The following CHST13 variants were observed in gnomAD, a reference collection of about 807,000 sequenced individuals.
The protein encoded by CHST13 is C4ST-3.
Under a neutral mutation model 7.0 loss-of-function variants are expected in CHST13, and 1 was observed. The ratio of observed to expected loss-of-function variants is 0.14; its 90% CI spans 0.05 to 0.68. The LOEUF is 0.68. Ranked by LOEUF, CHST13 falls within the 30% of genes least tolerant of loss-of-function variation. The pLI is 0.82. For missense variants in CHST13, 572 were observed against 507.9 expected (o/e 1.13, Z -1.21); for synonymous variants, 257 against 240.9 (o/e 1.07, Z -0.62).
At chr3:126,541,186 G>A (rs905610291) in intron 2 of CHST13, among the ~76,000 whole-genome samples, 3 of 152,188 alleles carry the variant, frequency 2.0e-5, no homozygotes, top group Non-Finnish European at 2.9e-5. Flanking sequence ...CTCAGAAGGG[G>A]CAGGCTTCCT....
chr3:126,524,408 G>A lies in CHST13; in HGVS notation c.76G>A (p.Ala26Thr), dbSNP rs1001951225. Residue 26 changes from alanine (A) to threonine (T), a missense_variant, in exon 1 of 3, where the codon GCG (alanine) becomes ACG (threonine). By Grantham distance (58) the Ala-to-Thr change is moderately conservative. Coordinates refer to ENST00000319340, the MANE Select transcript of CHST13 (RefSeq NM_152889.3). ...CGCCGCGCTCCTGCTCCTATGCGCC[G>A]CGCCCCGCTCCCTGCGCCCGGGTGA... ...LGAALLLLCAAPRSLRPAFGN... is the reference protein window; with the variant it reads ...LGAALLLLCATPRSLRPAFGN... The A allele has an allele frequency of 1.0e-5, 12 of 1,200,510 alleles. No individual in the cohort carries two copies. In the African/African-American group the frequency reaches 1.7e-4, roughly 17 times the overall value. The allele number at this position is 1,200,510 out of a possible 1,614,324, so 74.4% of individuals were successfully genotyped here. A position where few individuals can be genotyped will look rare whatever the true frequency, so the allele number is the denominator to read the frequency against.
rs1473256536 is a variant in CHST13 at position 126,542,119 on chromosome 3, G to T, written c.567G>T (p.Ala189=). The T allele has an allele frequency of 6.3e-7, 1 of 1,577,228 alleles. No individual in the cohort carries two copies. ...RLASAYRNKL[A]RPYSAAFQRR... is the part of the protein sequence containing the mutation. ...CATCGGCTTACCGCAACAAGCTCGC[G>T]CGCCCCTACAGCGCCGCCTTCCAGA... The change falls in exon 3 of 3, where the codon GCG becomes GCT. Residue 189 remains alanine (A), a synonymous_variant. Coordinates refer to ENST00000319340, the MANE Select transcript of CHST13 (RefSeq NM_152889.3).
Position 126,542,136 on chromosome 3 carries a change from C to T in CHST13, c.584C>T (p.Ala195Val). 6.4e-7 allele frequency: 1 copy of T among 1,565,684 alleles called. No homozygotes were observed. Among genetic ancestry groups the T allele is most frequent in the Middle Eastern group, 1.7e-4 (1 of 5,908 alleles). The change falls in exon 3 of 3, where the codon GCC (alanine) becomes GTC (valine). Residue 195 changes from alanine to valine, a missense_variant. Physicochemically the swap from Ala to Val is moderately conservative, Grantham distance 64. Transcript: ENST00000319340. ...RNKLARPYSA[A>V]FQRRYGARIV... ...AAGCTCGCGCGCCCCTACAGCGCCGCCTTCCAGAGGCGCTACGGTGCACGC... is the reference window on the plus strand; with the variant it reads ...AAGCTCGCGCGCCCCTACAGCGCCGTCTTCCAGAGGCGCTACGGTGCACGC...
At chr3:126,535,944 G>A (rs534385259) in intron 1 of CHST13, among the ~76,000 whole-genome samples, 3 of 152,356 alleles carry the variant, frequency 2.0e-5, no homozygotes, top group African/African-American at 7.2e-5. Context: ...GATGGCAGTG[G>A]GTGAGTTTGG....
chr3:126,526,447 A>G (rs1162453221), intron 1 of CHST13, among the ~76,000 whole-genome samples: 1 of 152,188 alleles, frequency 6.6e-6, no homozygotes, highest in Admixed American at 6.5e-5. Context: ...TCCAGAACTC[A>G]GGAGGGATTT....
At chr3:126,539,720 AC>A (rs1277366819) in intron 2 of CHST13, among the ~76,000 whole-genome samples, 7 of 74,224 alleles carry the variant, frequency 9.4e-5, no homozygotes, top group Non-Finnish European at 1.0e-4. Flanking sequence ...TGCCACACAC[AC>A]CCCCCACACC....
intron 1 of CHST13, among the ~76,000 whole-genome samples, chr3:126,528,316 A>C (rs779007429): frequency 2.6e-5 from 4 of 152,146 alleles, no homozygotes; most frequent in Non-Finnish European, 5.9e-5. Context: ...GCAAGGTTGC[A>C]GGGGTTACAG....
At chr3:126,538,940 C>T (rs902996494) in intron 2 of CHST13, among the ~76,000 whole-genome samples, 2 of 152,160 alleles carry the variant, frequency 1.3e-5, no homozygotes, top group African/African-American at 4.8e-5. Flanking sequence ...AAGAGTAGGT[C>T]TCCTTGTCCA....
At chr3:126,540,411 C>T (rs1936933525) in intron 2 of CHST13, among the ~76,000 whole-genome samples, 1 of 152,242 alleles carries the variant, frequency 6.6e-6, no homozygotes, top group Non-Finnish European at 1.5e-5. Context: ...CAGTCCTCCA[C>T]AGTTCACTCA....
chr3:126,537,740 C>T (rs567684726), intron 2 of CHST13, among the ~76,000 whole-genome samples: 5 of 149,648 alleles, frequency 3.3e-5, no homozygotes, highest in East Asian at 1.9e-4. Context: ...TAGCACCTTG[C>T]GGCTGGAGAA....
At chr3:126,540,767 G>GT (rs1936941431) in intron 2 of CHST13, among the ~76,000 whole-genome samples, 1 of 152,180 alleles carries the variant, frequency 6.6e-6, no homozygotes, top group Non-Finnish European at 1.5e-5. Context: ...ATGTTTACTG[G>GT]TTTTGAGGAA....
At chr3:126,536,127 C>G in intron 1 of CHST13, 144 bp from the exon 2 acceptor site, 1 of 641,912 alleles carries the variant, frequency 1.6e-6, no homozygotes, top group Non-Finnish European at 2.8e-6. Flanking sequence ...CCCACTCCAC[C>G]AAGCCCCTAG....
At chr3:126,535,561 CAG>C (rs1416619326) in intron 1 of CHST13, among the ~76,000 whole-genome samples, 1 of 26,654 alleles carries the variant, frequency 3.8e-5, no homozygotes, top group Non-Finnish European at 8.7e-5. Flanking sequence ...AGCCGGGAGA[CAG>C]ACAGACAGAC....
In CHST13 at chr3:126,532,151, G is replaced by A. The variant is rs116020196; in HGVS notation, c.98-4120G>A. Among the ~76,000 whole-genome samples the A allele has an allele frequency of 4.1e-3, 630 of 152,260 alleles. 3 individuals are homozygous for A. Among genetic ancestry groups the A allele is most frequent in the African/African-American group, 0.013 (548 of 41,538 alleles). Reference sequence around the variant, plus strand: ...GTTCCATTGTAAGAGTTCTCCATACGTTGTGGGTACTAGTTCCTTACCAGA... The same window carrying A: ...GTTCCATTGTAAGAGTTCTCCATACATTGTGGGTACTAGTTCCTTACCAGA... On this transcript the variant is annotated intron_variant, in intron 1 of 2. Transcript: ENST00000319340.
intron 1 of CHST13, among the ~76,000 whole-genome samples, chr3:126,535,750 T>A (rs989280118): frequency 2.0e-5 from 3 of 152,266 alleles, no homozygotes; most frequent in Admixed American, 1.3e-4. Context: ...GGGGAAGCAC[T>A]GCTGTCACAG....
At chr3:126,538,375 C>T (rs1224677762) in intron 2 of CHST13, among the ~76,000 whole-genome samples, 1 of 152,230 alleles carries the variant, frequency 6.6e-6, no homozygotes, top group Non-Finnish European at 1.5e-5. Flanking sequence ...AAGGGTTTCC[C>T]CTGACTTTTC....
At chr3:126,536,935 C>T (rs1186925329) in intron 2 of CHST13, among the ~76,000 whole-genome samples, 5 of 150,794 alleles carry the variant, frequency 3.3e-5, no homozygotes, top group Admixed American at 3.3e-4. Context: ...CCCACACACA[C>T]AAGTACTTAT....
chr3:126,539,742 C>CCA (rs1423987379), intron 2 of CHST13, among the ~76,000 whole-genome samples: 1 of 108,526 alleles, frequency 9.2e-6, no homozygotes, highest in Non-Finnish European at 1.9e-5. Flanking sequence ...ACACACACAC[C>CCA]CCACACCACA....
chr3:126,529,113 A>T (rs1335730851), intron 1 of CHST13: 1 of 394,544 alleles, frequency 2.5e-6, no homozygotes, highest in Non-Finnish European at 5.1e-6. Flanking sequence ...ATCCCCCTAC[A>T]TGATGGCTGT....
Sources: allele counts gnomAD v4.1 joint callset (sites outside exome capture counted in the v4.1 genomes callset), GRCh38; gene constraint gnomAD v4.1.1; transcripts MANE v1.5; gene names NCBI Gene and HGNC (gene_info 2026-07-23, HGNC 2026-07-21).